Variants in GPHN observed in about 807,000 individuals in gnomAD.
GPHN encodes gephyrin.
In GPHN, 17 loss-of-function variants were observed where a neutral mutation model predicts 95.5. That is an observed-to-expected ratio of 0.18 (90% CI 0.12 to 0.27). The LOEUF (loss-of-function observed/expected upper bound fraction) is 0.27, where lower values mean the gene tolerates loss of function less well. GPHN is among the 10% of genes least tolerant of loss of function. The probability of loss-of-function intolerance (pLI) is 1.00; values close to 1 mark genes in which losing one functional copy is unlikely to be tolerated. For synonymous variants in GPHN, 320 were observed against 322.5 expected (o/e 0.99, Z 0.08); for missense variants, 660 against 978.1 (o/e 0.67, Z 4.34).
intron 3 of GPHN, among the ~76,000 whole-genome samples, chr14:66,794,189 G>A (rs1181111164): frequency 1.3e-5 from 2 of 152,134 alleles, no homozygotes; most frequent in African/African-American, 4.8e-5. Flanking sequence ...ACTGGATCAT[G>A]AGGGCAGCTT....
At chr14:67,298,554 C>T in the GPHN span, among the ~76,000 whole-genome samples, 2 of 151,556 alleles carry the variant, frequency 1.3e-5, no homozygotes, top group African/African-American at 2.4e-5. Flanking sequence ...CTATGAGTAG[C>T]GTGATCTCAT....
the GPHN span, chr14:67,559,529 T>G: frequency 8.1e-6 from 8 of 983,172 alleles, no homozygotes; most frequent in African/African-American, 1.1e-4. Flanking sequence ...CACTTGGCCT[T>G]TCTTGGGGTT....
At chr14:66,890,783 C>A (rs1481621586) in intron 5 of GPHN, among the ~76,000 whole-genome samples, 3 of 145,826 alleles carry the variant, frequency 2.1e-5, no homozygotes, top group Non-Finnish European at 4.4e-5. Context: ...TTGTAATATA[C>A]CACAGTAGCA....
chr14:67,187,331 T>C, the GPHN span, among the ~76,000 whole-genome samples: 1 of 152,174 alleles, frequency 6.6e-6, no homozygotes, highest in African/African-American at 2.4e-5. Flanking sequence ...TGTAGTTTAT[T>C]TCCTAGTTAA....
chr14:66,725,186 C>T (rs2071107227), intron 2 of GPHN, among the ~76,000 whole-genome samples: 1 of 152,172 alleles, frequency 6.6e-6, no homozygotes, highest in Admixed American at 6.5e-5. Context: ...CCTGGCCATG[C>T]TGGCACCCTG....
chr14:67,588,982 C>T, the GPHN span: 1 of 152,662 alleles, frequency 6.6e-6, no homozygotes, highest in Non-Finnish European at 1.5e-5. Flanking sequence ...TTTCACCCCA[C>T]AACTTGGGGA....
chr14:67,356,324 G>C, the GPHN span, among the ~76,000 whole-genome samples: 14 of 151,792 alleles, frequency 9.2e-5, 1 homozygote, highest in Non-Finnish European at 1.3e-4. Flanking sequence ...AGGAGTCTGA[G>C]GCACAAAAAT....
At chr14:67,003,959 T>G (rs1193631915) in intron 9 of GPHN, among the ~76,000 whole-genome samples, 1 of 151,614 alleles carries the variant, frequency 6.6e-6, no homozygotes, top group Non-Finnish European at 1.5e-5. Flanking sequence ...TTTAATCAGA[T>G]GTGGTGAGCT....
chr14:66,599,463 T>A (rs748544789), intron 1 of GPHN, among the ~76,000 whole-genome samples: 1 of 150,976 alleles, frequency 6.6e-6, no homozygotes, highest in Non-Finnish European at 1.5e-5. Context: ...GTCTTCTCGA[T>A]TATTTTAACT....
the GPHN span, among the ~76,000 whole-genome samples, chr14:67,681,139 CT>C: frequency 6.6e-6 from 1 of 152,016 alleles, no homozygotes; most frequent in African/African-American, 2.4e-5. Context: ...CCAACAGGGC[CT>C]TATAAAAAGA....
chr14:66,962,546 A>G (rs945398306), intron 8 of GPHN, among the ~76,000 whole-genome samples: 4 of 151,854 alleles, frequency 2.6e-5, no homozygotes, highest in Non-Finnish European at 4.4e-5. Flanking sequence ...ATTCTCATCA[A>G]TAAGGCCTCT....
At chr14:66,873,712 G>A (rs1025927844) in intron 4 of GPHN, among the ~76,000 whole-genome samples, 1 of 152,186 alleles carries the variant, frequency 6.6e-6, no homozygotes, top group African/African-American at 2.4e-5. Flanking sequence ...TGCCTCTCTA[G>A]ATTCCTTCTC....
At chr14:66,597,249 C>T (rs992756857) in intron 1 of GPHN, among the ~76,000 whole-genome samples, 1 of 152,132 alleles carries the variant, frequency 6.6e-6, no homozygotes, top group African/African-American at 2.4e-5. Flanking sequence ...AAGGACAGCT[C>T]AAAAACCCTG....
At chr14:66,760,209 C>G (rs1167608962) in intron 2 of GPHN, among the ~76,000 whole-genome samples, 1 of 152,016 alleles carries the variant, frequency 6.6e-6, no homozygotes, top group Non-Finnish European at 1.5e-5. Context: ...GAAATAATGC[C>G]TAGCACATAA....
chr14:66,847,692 A>G (rs1394040842), intron 4 of GPHN, among the ~76,000 whole-genome samples: 2 of 152,138 alleles, frequency 1.3e-5, no homozygotes, highest in African/African-American at 4.8e-5. Flanking sequence ...AGACCTTGCA[A>G]AGGATATGGC....
the GPHN span, among the ~76,000 whole-genome samples, chr14:67,345,005 G>A: frequency 6.6e-6 from 1 of 152,142 alleles, no homozygotes; most frequent in Non-Finnish European, 1.5e-5. Flanking sequence ...ACTTTGGAAG[G>A]ATGAGGCGGG....
At chr14:67,674,343 G>C in the GPHN span, 1 of 1,547,138 alleles carries the variant, frequency 6.5e-7, no homozygotes, top group Non-Finnish European at 8.7e-7. Context: ...GCAGGGCTGC[G>C]CTCCCCACGG....
chr14:67,697,930 G>A, the GPHN span, among the ~76,000 whole-genome samples: 148 of 151,136 alleles, frequency 9.8e-4, no homozygotes, highest in Non-Finnish European at 1.5e-3. Context: ...CTCCAGAACA[G>A]GCAAGAATGC....
chr14:66,915,330 A>G (rs912405271), intron 5 of GPHN, among the ~76,000 whole-genome samples: 2 of 152,154 alleles, frequency 1.3e-5, no homozygotes, highest in Non-Finnish European at 2.9e-5. Flanking sequence ...ATGACAGCAT[A>G]ATTCCAGCTC....
Sources: gnomAD v4.1 joint callset for allele counts (sites outside exome capture counted in the v4.1 genomes callset) on GRCh38, gnomAD v4.1.1 for gene constraint, MANE v1.5 for transcripts, NCBI Gene and HGNC (gene_info 2026-07-23, HGNC 2026-07-21) for gene names.